The following EIF2AK1 variants were observed in gnomAD, a reference collection of about 807,000 sequenced individuals.
The protein encoded by EIF2AK1 is eukaryotic translation initiation factor 2 alpha kinase 1.
EIF2AK1 carries 54 observed loss-of-function variants against 77.9 expected under a neutral mutation model. The observed-to-expected ratio is 0.69, with a 90% CI of 0.56 to 0.87. EIF2AK1 has a LOEUF of 0.87. Ranked by LOEUF, EIF2AK1 falls within the 40% of genes least tolerant of loss-of-function variation. The pLI is 0.00. For synonymous variants in EIF2AK1, 314 were observed against 290.5 expected (o/e 1.08, Z -0.82); for missense variants, 810 against 768.6 (o/e 1.05, Z -0.64).
chr7:6,045,652 T>C (rs1481613023), intron 6 of EIF2AK1, among the ~76,000 whole-genome samples: 3 of 151,670 alleles, frequency 2.0e-5, no homozygotes, highest in African/African-American at 7.3e-5. Context: ...AAGACTGACC[T>C]GGAACTGGGC....
chr7:6,048,743 G>C (rs1309599010), intron 4 of EIF2AK1, 64 bp downstream of exon 4: 13 of 1,287,726 alleles, frequency 1.0e-5, no homozygotes, highest in Non-Finnish European at 1.4e-5. Context: ...CCTCAAATCA[G>C]TATTTTCTTA....
chr7:6,045,756 T>G (rs905902789), intron 6 of EIF2AK1, among the ~76,000 whole-genome samples: 1 of 147,840 alleles, frequency 6.8e-6, no homozygotes, highest in Non-Finnish European at 1.5e-5. Context: ...TATATATAAA[T>G]TAGCCAGGCA....
In EIF2AK1 at chr7:6,036,125, C is replaced by A; in HGVS notation, c.1332+1299G>T. The A allele has an allele frequency of 6.4e-7, 1 of 1,550,664 alleles. No homozygotes were observed. The highest frequency in any genetic ancestry group is 8.7e-7 in the Non-Finnish European group (1 of 1,147,038). On this transcript the variant is annotated intron_variant, in intron 11 of 14. Coordinates refer to ENST00000199389, the MANE Select transcript of EIF2AK1 (RefSeq NM_014413.4). This position sits in a 1 kb window ranked among gnomAD's most constrained non-coding sequence, Gnocchi z 4.6. ...ATGTAAGAGATACGGCACTTCTGGCCAGGCTACTTTATCACACTTATCCTC... is the reference window on the plus strand; with the variant it reads ...ATGTAAGAGATACGGCACTTCTGGCAAGGCTACTTTATCACACTTATCCTC...
intron 1 of EIF2AK1, among the ~76,000 whole-genome samples, 180 bp downstream of exon 1, chr7:6,058,786 A>G (rs955165958): frequency 6.6e-6 from 1 of 152,158 alleles, no homozygotes; most frequent in Non-Finnish European, 1.5e-5. Flanking sequence ...ATAAATATTT[A>G]CCTTACCCGA....
intron 4 of EIF2AK1, chr7:6,047,647 T>A: frequency 6.5e-6 from 1 of 155,018 alleles, no homozygotes; most frequent in Non-Finnish European, 1.4e-5. Flanking sequence ...CACTCCAGCC[T>A]GGGTGACAGA....
intron 7 of EIF2AK1, 96 bp downstream of exon 7, chr7:6,044,466 G>C (rs146445084): frequency 1.0e-6 from 1 of 959,128 alleles, no homozygotes; most frequent in Non-Finnish European, 1.6e-6. Context: ...ACCATTCTCA[G>C]CTTGTGGTAT....
chr7:6,049,094 AC>A (rs1788526138), intron 3 of EIF2AK1, among the ~76,000 whole-genome samples: 1 of 151,592 alleles, frequency 6.6e-6, no homozygotes, highest in African/African-American at 2.4e-5. Context: ...CTGCCTGCCC[AC>A]CTCTCTCGCG....
intron 9 of EIF2AK1, 90 bp downstream of exon 9, chr7:6,040,802 C>T (rs554778733): frequency 2.5e-4 from 278 of 1,094,116 alleles, no homozygotes; most frequent in Middle Eastern, 2.1e-3. Flanking sequence ...AGGGCAGAAG[C>T]GCCAGAGCTG....
At position 6,043,679 on chromosome 7, in the gene EIF2AK1, G is replaced by A. The variant is rs144072806; in HGVS notation, c.731-686C>T. Among the ~76,000 whole-genome samples the A allele has an allele frequency of 7.4e-3, 1,124 of 151,214 alleles. 21 individuals carry two copies. Among genetic ancestry groups the A allele is most frequent in the African/African-American group, 0.026 (1,093 of 41,268 alleles). On this transcript the variant is annotated intron_variant, in intron 7 of 14. Transcript: ENST00000199389. Reference sequence around the variant, plus strand: ...CCTGACCTTGTGATCCTCCTGCCTCGGCCTCCCAAAGTGTTGGGATTACAG... The same window carrying A: ...CCTGACCTTGTGATCCTCCTGCCTCAGCCTCCCAAAGTGTTGGGATTACAG...
At chr7:6,025,346 G>C (rs1204873583) in intron 14 of EIF2AK1, among the ~76,000 whole-genome samples, 1 of 151,650 alleles carries the variant, frequency 6.6e-6, no homozygotes, top group Non-Finnish European at 1.5e-5. Flanking sequence ...ATTTTTAGTA[G>C]AGATGGGGTT....
intron 1 of EIF2AK1, among the ~76,000 whole-genome samples, chr7:6,058,642 T>C (rs929568580): frequency 6.6e-6 from 1 of 152,122 alleles, no homozygotes; most frequent in African/African-American, 2.4e-5. Context: ...TCTCAACCAA[T>C]GACAAAACCC....
In EIF2AK1 at chr7:6,033,791, A is replaced by G. The variant is rs6959042; in HGVS notation, c.1332+3633T>C. Among the ~76,000 whole-genome samples the G allele has an allele frequency of 0.68, 103,262 of 151,222 alleles. 35,560 individuals are homozygous for G. Among genetic ancestry groups the G allele is most frequent in the East Asian group, 0.85 (4,240 of 4,976 alleles). Reference sequence around the variant, plus strand: ...TCACCATGTTAGCCAGGATAGTCTCAATCTCCTGACCTCGTGATCCGTCCA... The same window carrying G: ...TCACCATGTTAGCCAGGATAGTCTCGATCTCCTGACCTCGTGATCCGTCCA... On this transcript the variant is annotated intron_variant, in intron 11 of 14. Coordinates refer to ENST00000199389, the MANE Select transcript of EIF2AK1 (RefSeq NM_014413.4). The surrounding 1 kb of genome is among the most constrained non-coding windows in gnomAD (Gnocchi z 4.4).
At chr7:6,038,806 TTC>T in intron 9 of EIF2AK1, 135 bp from the exon 10 acceptor site, 1 of 612,206 alleles carries the variant, frequency 1.6e-6, no homozygotes, top group African/African-American at 1.9e-5. Flanking sequence ...CTGTGTGGAC[TTC>T]TCTTTGCAAG....
intron 7 of EIF2AK1, 84 bp from the exon 8 acceptor site, chr7:6,043,077 G>T: frequency 7.5e-7 from 1 of 1,333,930 alleles, no homozygotes; most frequent in Non-Finnish European, 1.1e-6. Flanking sequence ...TATACAAATA[G>T]TGTCAAATGA....
intron 7 of EIF2AK1, among the ~76,000 whole-genome samples, chr7:6,043,547 G>C (rs1488086352): frequency 6.6e-6 from 1 of 151,962 alleles, no homozygotes; most frequent in African/African-American, 2.4e-5. Context: ...TGCTGCCTCA[G>C]CCTCCCGAGT....
chr7:6,034,548 G>A (rs1003079897), intron 11 of EIF2AK1, among the ~76,000 whole-genome samples: 20 of 151,982 alleles, frequency 1.3e-4, no homozygotes, highest in African/African-American at 4.1e-4. Flanking sequence ...GAACTCTGCC[G>A]GCTTCCACTA....
At position 6,027,113 on chromosome 7, in the gene EIF2AK1, T is replaced by C. The variant is rs964918624; in HGVS notation, c.1531-152A>G. 1.5e-6 allele frequency: 1 copy of C among 667,000 alleles called. No homozygotes were observed. The highest frequency in any genetic ancestry group is 1.8e-5 in the African/African-American group (1 of 55,008). The allele number at this position is 667,000 out of a possible 1,614,324, so 41.3% of individuals were successfully genotyped here. ...GAAGGGAACAGAGCAGGATAGCTCA[T>C]CAGTGACAGGGACTTTCACAACCTC... On this transcript the variant is annotated intron_variant, in intron 13 of 14. Transcript: ENST00000199389. This position sits in a 1 kb window ranked among gnomAD's most constrained non-coding sequence, Gnocchi z 4.5.
Position 6,024,789 on chromosome 7 carries a change from G to A in EIF2AK1, c.1777C>T (p.Leu593=). ...FQNSGNVNLT[L]QMKIIEQEKE... ...TCTTGCTCTATTATCTTCATCTGTA[G>A]GGTGAGGTTAACCTGTAAGGAGAAA... Residue 593 remains leucine (L), a synonymous_variant, in exon 15 of 15, where the codon CTA becomes TTA. Coordinates refer to ENST00000199389, the MANE Select transcript of EIF2AK1 (RefSeq NM_014413.4). 6.4e-7 allele frequency: 1 copy of A among 1,553,652 alleles called. No homozygotes were observed. The highest frequency in any genetic ancestry group is 8.6e-7 in the Non-Finnish European group (1 of 1,156,792).
At position 6,024,193 on chromosome 7, in the gene EIF2AK1, GGCA is replaced by G; in HGVS notation, c.*477_*479del. On this transcript the variant is annotated 3_prime_UTR_variant, in exon 15 of 15. Coordinates refer to ENST00000199389, the MANE Select transcript of EIF2AK1 (RefSeq NM_014413.4). ...TAAGAAGTTGAGCTTTTATCTTAGA[GGCA>G]GCAGAAGGTTTGGAGCCAAGGAATG... 2.4e-6 allele frequency: 3 copies of G among 1,250,800 alleles called. No individual in the cohort carries two copies. In the South Asian group the frequency reaches 4.0e-5, roughly 17 times the overall value. The allele number at this position is 1,250,800 out of a possible 1,614,324, so 77.5% of individuals were successfully genotyped here.
Sources: allele counts gnomAD v4.1 joint callset (sites outside exome capture counted in the v4.1 genomes callset), GRCh38; gene constraint gnomAD v4.1.1; non-coding constraint Gnocchi (gnomAD v3.1); transcripts MANE v1.5; gene names NCBI Gene and HGNC (gene_info 2026-07-23, HGNC 2026-07-21).